Variants in LRRTM4 observed in about 807,000 individuals in gnomAD.
LRRTM4 encodes leucine rich repeat transmembrane neuronal 4, also known as leucine-rich repeat transmembrane neuronal protein 4.
A neutral mutation model predicts 47.6 loss-of-function variants in LRRTM4; 25 were observed. The ratio of observed to expected loss-of-function variants is 0.53; its 90% CI spans 0.38 to 0.73. The LOEUF is 0.73. Among genes scored for constraint, LRRTM4 ranks in the 30% least tolerant of loss-of-function variants. The probability of loss-of-function intolerance (pLI) is 0.00; values close to 1 mark genes in which losing one functional copy is unlikely to be tolerated. For missense variants in LRRTM4, 638 were observed against 713.4 expected (o/e 0.89, Z 1.20); for synonymous variants, 311 against 269.5 (o/e 1.15, Z -1.51).
chr2:77,304,765 G>A (rs184581053), intron 3 of LRRTM4, among the ~76,000 whole-genome samples: 85 of 152,066 alleles, frequency 5.6e-4, no homozygotes, highest in African/African-American at 2.0e-3. Context: ...TCTTAAACCA[G>A]GTGAAATTGG....
intron 3 of LRRTM4, among the ~76,000 whole-genome samples, chr2:77,276,320 A>AGAAGGAAG (rs200577315): frequency 7.0e-6 from 1 of 142,510 alleles, no homozygotes; most frequent in African/African-American, 2.6e-5. Flanking sequence ...AAGGAAGAGA[A>AGAAGGAAG]GAAGGAAGGA....
intron 3 of LRRTM4, among the ~76,000 whole-genome samples, chr2:77,039,955 T>C (rs1431536110): frequency 6.6e-6 from 1 of 151,134 alleles, no homozygotes; most frequent in Non-Finnish European, 1.5e-5. Flanking sequence ...TAGCTGTTAA[T>C]TACTTAAAAT....
At position 77,226,635 on chromosome 2, in the gene LRRTM4, G is replaced by T. The variant is rs187424506; in HGVS notation, c.1551+291683C>A. ...AAAGTTCACTAAATTATATAATGTTGTCTCAAAAATTAAATAAGTAAAATG... is the reference window on the plus strand; with the variant it reads ...AAAGTTCACTAAATTATATAATGTTTTCTCAAAAATTAAATAAGTAAAATG... On this transcript the variant is annotated intron_variant, in intron 3 of 3. Transcript: ENST00000409884. Among the ~76,000 whole-genome samples, 499 of 151,114 alleles carry T rather than the reference G, an allele frequency of 3.3e-3. 3 individuals are homozygous for T. The highest frequency in any genetic ancestry group is 0.012 in the African/African-American group (478 of 41,342).
intron 3 of LRRTM4, among the ~76,000 whole-genome samples, chr2:77,439,244 A>G (rs903693808): frequency 2.6e-5 from 4 of 152,144 alleles, no homozygotes; most frequent in African/African-American, 9.6e-5. Context: ...CAGCTCTTAG[A>G]AGTCCTATTT....
At chr2:77,159,164 C>G (rs1672639698) in intron 3 of LRRTM4, among the ~76,000 whole-genome samples, 1 of 151,104 alleles carries the variant, frequency 6.6e-6, no homozygotes, top group Admixed American at 6.7e-5. Flanking sequence ...ACTTCACCAA[C>G]AGGTGATTTA....
At chr2:76,969,727 A>T (rs1245064314) in intron 3 of LRRTM4, among the ~76,000 whole-genome samples, 1 of 152,000 alleles carries the variant, frequency 6.6e-6, no homozygotes, top group Admixed American at 6.6e-5. Flanking sequence ...ATATTTGAGT[A>T]CTTGCTTAAT....
intron 3 of LRRTM4, among the ~76,000 whole-genome samples, chr2:77,243,141 G>A (rs1202248469): frequency 3.3e-5 from 5 of 152,116 alleles, no homozygotes; most frequent in African/African-American, 7.2e-5. Flanking sequence ...GGCCAGGCAC[G>A]GTGGCTCACG....
chr2:77,297,819 A>G (rs188901940), intron 3 of LRRTM4, among the ~76,000 whole-genome samples: 3 of 152,300 alleles, frequency 2.0e-5, no homozygotes, highest in Non-Finnish European at 4.4e-5. Context: ...TAATTCATCA[A>G]TTTGAGCTTC....
intron 3 of LRRTM4, among the ~76,000 whole-genome samples, chr2:77,428,679 G>T (rs960109858): frequency 6.6e-6 from 1 of 152,154 alleles, no homozygotes; most frequent in Admixed American, 6.5e-5. Flanking sequence ...GTTTGCCTGT[G>T]TATTGTCAAT....
In LRRTM4 at chr2:77,457,004, GTATATATATATATATATA is replaced by G. The variant is rs1171771344; in HGVS notation, c.1551+61296_1551+61313del. On this transcript the variant is annotated intron_variant, in intron 3 of 3. Transcript: ENST00000409884. Reference sequence around the variant, plus strand: ...TATATATTAGTGTATGTGTGTGTGTGTATATATATATATATATATATATATATATATATATATATATAT... The same window carrying G: ...TATATATTAGTGTATGTGTGTGTGTGTATATATATATATATATATATATAT... Among the ~76,000 whole-genome samples, 35 of 23,168 alleles carry G rather than the reference GTATATATATATATATATA, an allele frequency of 1.5e-3. 2 individuals are homozygous for G. The highest frequency in any genetic ancestry group is 0.01 in the South Asian group (10 of 962). The allele number at this position is 23,168 out of a possible 152,430, so 15.2% of individuals were successfully genotyped here.
At chr2:76,946,879 T>C (rs1675339303) in intron 3 of LRRTM4, among the ~76,000 whole-genome samples, 1 of 151,418 alleles carries the variant, frequency 6.6e-6, no homozygotes, top group Non-Finnish European at 1.5e-5. Context: ...GCGCCATTAT[T>C]TGAAATATGT....
At chr2:77,087,598 C>T (rs1680763973) in intron 3 of LRRTM4, among the ~76,000 whole-genome samples, 1 of 152,206 alleles carries the variant, frequency 6.6e-6, no homozygotes, top group Non-Finnish European at 1.5e-5. Context: ...TTATCAAATA[C>T]ATGACTACAA....
intron 3 of LRRTM4, among the ~76,000 whole-genome samples, chr2:76,752,542 T>C (rs577334406): frequency 3.9e-5 from 6 of 152,274 alleles, no homozygotes; most frequent in Non-Finnish European, 7.4e-5. Flanking sequence ...TAAAGTTCCC[T>C]CCTGCACAGC....
At chr2:76,799,941 G>A (rs1405505861) in intron 3 of LRRTM4, among the ~76,000 whole-genome samples, 1 of 151,030 alleles carries the variant, frequency 6.6e-6, no homozygotes, top group African/African-American at 2.4e-5. Context: ...CACTGCTCAA[G>A]GAAATAAAAG....
intron 3 of LRRTM4, among the ~76,000 whole-genome samples, chr2:77,288,029 A>G (rs1460801084): frequency 6.6e-6 from 1 of 152,104 alleles, no homozygotes; most frequent in Non-Finnish European, 1.5e-5. Flanking sequence ...GCAGCCAGCC[A>G]TAACAACATT....
intron 3 of LRRTM4, among the ~76,000 whole-genome samples, chr2:77,483,210 A>G (rs1199255243): frequency 6.6e-6 from 1 of 151,566 alleles, no homozygotes; most frequent in Non-Finnish European, 1.5e-5. Flanking sequence ...CATATACATC[A>G]TCTAACAATT....
chr2:77,268,872 T>C (rs1676121313), intron 3 of LRRTM4, among the ~76,000 whole-genome samples: 1 of 152,178 alleles, frequency 6.6e-6, no homozygotes, highest in East Asian at 1.9e-4. Flanking sequence ...AGCATACTTC[T>C]GGCATTTGTT....
At chr2:77,062,121 C>T (rs1168585188) in intron 3 of LRRTM4, among the ~76,000 whole-genome samples, 1 of 152,086 alleles carries the variant, frequency 6.6e-6, no homozygotes, top group African/African-American at 2.4e-5. Context: ...TGAATTAACC[C>T]TTGGGAAAGA....
At chr2:77,282,886 G>C (rs1478237103) in intron 3 of LRRTM4, among the ~76,000 whole-genome samples, 1 of 151,754 alleles carries the variant, frequency 6.6e-6, no homozygotes, top group Non-Finnish European at 1.5e-5. Context: ...CGAAATATAA[G>C]AATCCTAGAA....
Sources: allele counts gnomAD v4.1 joint callset (sites outside exome capture counted in the v4.1 genomes callset), GRCh38; gene constraint gnomAD v4.1.1; transcripts MANE v1.5; gene names NCBI Gene and HGNC (gene_info 2026-07-23, HGNC 2026-07-21).